Variants in SHISA9 observed in about 807,000 individuals in gnomAD.
SHISA9 encodes shisa family member 9.
SHISA9 carries 13 observed loss-of-function variants against 38.0 expected under a neutral mutation model. The observed-to-expected ratio is 0.34, with a 90% CI of 0.22 to 0.54. The LOEUF (loss-of-function observed/expected upper bound fraction) is 0.54, where lower values mean the gene tolerates loss of function less well. Among genes scored for constraint, SHISA9 ranks in the 20% least tolerant of loss-of-function variants. SHISA9 has a pLI of 0.91. For missense variants in SHISA9, 538 were observed against 575.8 expected (o/e 0.93, Z 0.67); for synonymous variants, 275 against 242.0 (o/e 1.14, Z -1.27).
intron 4 of SHISA9, among the ~76,000 whole-genome samples, chr16:13,224,878 A>T (rs552977761): frequency 6.6e-6 from 1 of 152,278 alleles, no homozygotes; most frequent in East Asian, 1.9e-4. Context: ...AGGTCCTGAG[A>T]TGGTGACAAG....
the SHISA9 span, among the ~76,000 whole-genome samples, chr16:13,339,476 C>T: frequency 9.2e-5 from 14 of 152,134 alleles, no homozygotes; most frequent in Non-Finnish European, 1.8e-4. Flanking sequence ...GAGCCTCAGT[C>T]CTTATCAATA....
chr16:13,123,702 G>C (rs1209853177), intron 2 of SHISA9, among the ~76,000 whole-genome samples: 1 of 152,210 alleles, frequency 6.6e-6, no homozygotes, highest in Non-Finnish European at 1.5e-5. Context: ...TCTATGGGAA[G>C]CAGCCCAGTC....
the SHISA9 span, among the ~76,000 whole-genome samples, chr16:13,370,212 A>G: frequency 3.3e-5 from 5 of 152,298 alleles, no homozygotes; most frequent in South Asian, 4.2e-4. Context: ...GTAACGACCA[A>G]CGTAACTTGT....
chr16:13,531,528 G>A, the SHISA9 span, among the ~76,000 whole-genome samples: 1 of 151,716 alleles, frequency 6.6e-6, no homozygotes, highest in African/African-American at 2.4e-5. Context: ...AGGCAGCCAA[G>A]TACTAGAGTC....
chr16:13,402,913 T>C, the SHISA9 span, among the ~76,000 whole-genome samples: 1 of 152,146 alleles, frequency 6.6e-6, no homozygotes, highest in Non-Finnish European at 1.5e-5. Flanking sequence ...TGTCAGGAGA[T>C]TGAGACCATC....
intron 2 of SHISA9, among the ~76,000 whole-genome samples, chr16:13,118,918 G>A (rs1273294364): frequency 6.6e-6 from 1 of 151,934 alleles, no homozygotes; most frequent in African/African-American, 2.4e-5. Context: ...TTTTAGTAGA[G>A]ACGGGGTTTC....
At chr16:13,217,053 C>T (rs532680398) in intron 4 of SHISA9, among the ~76,000 whole-genome samples, 12 of 151,642 alleles carry the variant, frequency 7.9e-5, no homozygotes, top group South Asian at 6.2e-4. Flanking sequence ...GGGCGGATAA[C>T]GAGGTCAGAG....
chr16:13,423,362 C>T, the SHISA9 span, among the ~76,000 whole-genome samples: 1 of 152,078 alleles, frequency 6.6e-6, no homozygotes, highest in Non-Finnish European at 1.5e-5. Flanking sequence ...GAGATAAGTT[C>T]AAAGGAAGAG....
intron 2 of SHISA9, among the ~76,000 whole-genome samples, chr16:13,008,582 G>A (rs990848558): frequency 1.3e-5 from 2 of 151,358 alleles, no homozygotes; most frequent in Non-Finnish European, 2.9e-5. Context: ...TGTTTGATAA[G>A]GGTCCGGTGC....
At chr16:13,519,582 G>A in the SHISA9 span, among the ~76,000 whole-genome samples, 1 of 152,196 alleles carries the variant, frequency 6.6e-6, no homozygotes, top group East Asian at 1.9e-4. Context: ...ATAGGTATGA[G>A]TCTGTTCTCA....
the SHISA9 span, among the ~76,000 whole-genome samples, chr16:13,280,775 A>C: frequency 6.6e-6 from 1 of 151,754 alleles, no homozygotes; most frequent in Admixed American, 6.6e-5. Context: ...CAAGAATCTA[A>C]ATATAAGAAT....
chr16:13,311,657 A>C, the SHISA9 span, among the ~76,000 whole-genome samples: 1 of 152,168 alleles, frequency 6.6e-6, no homozygotes, highest in African/African-American at 2.4e-5. Context: ...TGTCCACTCC[A>C]GACTATCTGT....
In SHISA9 at chr16:13,011,485, C is replaced by T. The variant is rs1286390096; in HGVS notation, c.691+94670C>T. 7.2e-5 allele frequency among the ~76,000 whole-genome samples: 11 copies of T among 152,076 alleles called. No homozygotes were observed. In the East Asian group the frequency reaches 9.6e-4, roughly 13 times the overall value. On this transcript the variant is annotated intron_variant, in intron 2 of 4. Transcript: ENST00000558583. ...CTTTACCCACATCTCCTCATTTCCT[C>T]GTCCCACCCCATCCCTGGTAACCTC...
rs533850428 is a variant in SHISA9, at chr16:13,182,693, T to C, written c.692-20701T>C. 2.6e-5 allele frequency among the ~76,000 whole-genome samples: 4 copies of C among 152,314 alleles called. No homozygotes were observed. The East Asian group carries it at 7.7e-4, about 29-fold the overall frequency. On this transcript the variant is annotated intron_variant, in intron 2 of 4. Transcript: ENST00000558583. ...AACCACTCTACAACTTAATAAGCAA[T>C]GGACACAGACCTCCACCACTAGGTG...
the SHISA9 span, among the ~76,000 whole-genome samples, chr16:13,250,050 A>G: frequency 3.9e-5 from 6 of 152,218 alleles, no homozygotes; most frequent in South Asian, 2.1e-4. Flanking sequence ...CTGCATTTCT[A>G]TCTTGCATTC....
chr16:13,085,269 G>A (rs544349001), intron 2 of SHISA9, among the ~76,000 whole-genome samples: 12 of 151,614 alleles, frequency 7.9e-5, no homozygotes, highest in African/African-American at 2.4e-4. Flanking sequence ...TGTCTATGTC[G>A]ATACCTATAC....
the SHISA9 span, among the ~76,000 whole-genome samples, chr16:13,484,852 G>C: frequency 6.6e-6 from 1 of 152,048 alleles, no homozygotes; most frequent in South Asian, 2.1e-4. Flanking sequence ...CAGCAGCAAG[G>C]GGGACGTCCA....
chr16:12,919,684 G>A (rs1247210878), intron 2 of SHISA9, among the ~76,000 whole-genome samples: 1 of 152,132 alleles, frequency 6.6e-6, no homozygotes, highest in African/African-American at 2.4e-5. Flanking sequence ...TTTTGTCAAC[G>A]TTTCTACATT....
the SHISA9 span, among the ~76,000 whole-genome samples, chr16:13,398,385 C>T: frequency 2.6e-5 from 4 of 152,078 alleles, no homozygotes; most frequent in Non-Finnish European, 5.9e-5. Flanking sequence ...AGTTGATACT[C>T]CTAACCCCCG....
Sources: allele counts gnomAD v4.1 joint callset (sites outside exome capture counted in the v4.1 genomes callset), GRCh38; gene constraint gnomAD v4.1.1; transcripts MANE v1.5; gene names NCBI Gene and HGNC (gene_info 2026-07-23, HGNC 2026-07-21).